JADE1: variants seen among roughly 807,000 people sequenced by gnomAD.
JADE1 encodes the protein protein Jade-1.
In JADE1, 14 loss-of-function variants were observed where a neutral mutation model predicts 81.8. The ratio of observed to expected loss-of-function variants is 0.17; its 90% CI spans 0.11 to 0.27. The LOEUF is 0.27. Ranked by LOEUF, JADE1 falls within the 10% of genes least tolerant of loss-of-function variation. The pLI, the probability that JADE1 is intolerant of heterozygous loss-of-function variation, is 1.00. For synonymous variants in JADE1, 353 were observed against 391.9 expected, an observed-to-expected ratio of 0.90 and a Z score of 1.17; for missense variants, 690 against 1,047.9, an observed-to-expected ratio of 0.66 and a Z score of 4.71.
chr4:128,858,345 G>C (rs1036511156), intron 8 of JADE1, among the ~76,000 whole-genome samples: 4 of 152,048 alleles, frequency 2.6e-5, no homozygotes, highest in African/African-American at 9.7e-5. Context: ...GTGGCTGATG[G>C]GGGCCCTTCA....
intron 5 of JADE1, 45 bp from the exon 6 acceptor site, chr4:128,852,011 TA>T: frequency 8.6e-7 from 1 of 1,168,704 alleles, no homozygotes; most frequent in South Asian, 1.3e-5. Flanking sequence ...TAATATTTAT[TA>T]ATATGGATTT....
At chr4:128,839,684 C>T (rs1729271320) in intron 2 of JADE1, among the ~76,000 whole-genome samples, 1 of 152,008 alleles carries the variant, frequency 6.6e-6, no homozygotes, top group Non-Finnish European at 1.5e-5. Context: ...GCTTCTTTCA[C>T]TCAGGAGAAT....
intron 2 of JADE1, 82 bp downstream of exon 2, chr4:128,831,892 A>G (rs1728590921): frequency 1.6e-6 from 2 of 1,238,136 alleles, no homozygotes; most frequent in Non-Finnish European, 2.4e-6. Context: ...AATGCTTTAA[A>G]TTGCTGAGGC....
At position 128,846,316 on chromosome 4, in the gene JADE1, A is replaced by G; in HGVS notation, c.139-59A>G. The G allele has an allele frequency of 6.6e-7, 1 of 1,516,196 alleles. No homozygotes were observed. 93.9% of individuals were successfully genotyped at this position (1,516,196 alleles called of 1,614,324 possible). A position where few individuals can be genotyped will look rare whatever the true frequency, so the allele number is the denominator to read the frequency against. On this transcript the variant is annotated intron_variant, in intron 3 of 10. Transcript: ENST00000226319. The surrounding 1 kb of genome is among the most constrained non-coding windows in gnomAD (Gnocchi z 4.0). Reference sequence around the variant, plus strand: ...GCTCCATGGTTACATTGCAGCTGCCAGCACTCTGAATAAGAATGCAAATAT... The same window carrying G: ...GCTCCATGGTTACATTGCAGCTGCCGGCACTCTGAATAAGAATGCAAATAT...
rs749839832 is a variant in JADE1, at chr4:128,821,255, G to A, written c.-26-10478G>A. Among the ~76,000 whole-genome samples, 6 of 152,178 alleles carry A rather than the reference G, an allele frequency of 3.9e-5. No homozygotes were observed. In the South Asian group the frequency reaches 1.0e-3, roughly 26 times the overall value. ...ATAAATTGTCAGAAAACTGAGACGC[G>A]GAATAAGACATATAGGGCAAATGGG... On this transcript the variant is annotated intron_variant, in intron 1 of 10. Transcript: ENST00000226319.
At chr4:128,859,471 A>ATGAGTATGCATG (rs576087365) in intron 8 of JADE1, among the ~76,000 whole-genome samples, 1 of 150,992 alleles carries the variant, frequency 6.6e-6, no homozygotes, top group South Asian at 2.1e-4. Context: ...GAGTATGCAC[A>ATGAGTATGCATG]TGAGTATGCA....
intron 8 of JADE1, among the ~76,000 whole-genome samples, chr4:128,860,584 A>G (rs778747957): frequency 1.3e-5 from 2 of 152,194 alleles, no homozygotes; most frequent in Admixed American, 1.3e-4. Context: ...ACTTGGCTTC[A>G]CACAATGCAG....
chr4:128,831,754 A>G lies in JADE1; in HGVS notation c.-5A>G. 1 of 1,613,982 alleles carries G rather than the reference A, an allele frequency of 6.2e-7. No individual in the cohort carries two copies. The highest frequency in any genetic ancestry group is 8.5e-7 in the Non-Finnish European group (1 of 1,180,002). On this transcript the variant is annotated 5_prime_UTR_variant, in exon 2 of 11. Transcript: ENST00000226319. ...GCAGGCTGCCTGCTGTTTCCCGGGG[A>G]GATCATGAAACGAGGTCGCCTTCCC...
At chr4:128,869,018 G>GT (rs1352153738) in intron 10 of JADE1, among the ~76,000 whole-genome samples, 1 of 152,178 alleles carries the variant, frequency 6.6e-6, no homozygotes, top group Admixed American at 6.5e-5. Context: ...CAAAGAAGTT[G>GT]TTATAACCTG....
chr4:128,861,439 C>CGGAT (rs1305640918), intron 8 of JADE1, among the ~76,000 whole-genome samples: 2 of 152,150 alleles, frequency 1.3e-5, no homozygotes, highest in African/African-American at 2.4e-5. Flanking sequence ...CTGAGATGGG[C>CGGAT]GGATCTCTTT....
chr4:128,847,720 C>T (rs776422584), intron 4 of JADE1, among the ~76,000 whole-genome samples: 2 of 152,166 alleles, frequency 1.3e-5, no homozygotes, highest in African/African-American at 4.8e-5. Context: ...AAAGTTGGAG[C>T]CCTGAGCAAG....
At chr4:128,843,592 G>T (rs1254896626) in intron 3 of JADE1, among the ~76,000 whole-genome samples, 2 of 152,174 alleles carry the variant, frequency 1.3e-5, no homozygotes, top group Admixed American at 6.5e-5. Flanking sequence ...TTGCTTTTAG[G>T]TGCATTTCTT....
intron 1 of JADE1, among the ~76,000 whole-genome samples, chr4:128,825,908 T>C (rs1170537304): frequency 6.6e-6 from 1 of 152,206 alleles, no homozygotes; most frequent in Non-Finnish European, 1.5e-5. Flanking sequence ...CCACAGATGC[T>C]CAGTTGTCTT....
At chr4:128,832,111 C>T (rs1160415489) in intron 2 of JADE1, among the ~76,000 whole-genome samples, 5 of 152,142 alleles carry the variant, frequency 3.3e-5, no homozygotes, top group Non-Finnish European at 5.9e-5. Context: ...TATGGTACTT[C>T]GCAGTTGCGC....
At chr4:128,848,394 G>T (rs915089772) in intron 4 of JADE1, among the ~76,000 whole-genome samples, 1 of 152,146 alleles carries the variant, frequency 6.6e-6, no homozygotes, top group East Asian at 1.9e-4. Flanking sequence ...GGCCAGGCTG[G>T]TCTCAAACTC....
intron 2 of JADE1, among the ~76,000 whole-genome samples, chr4:128,833,514 C>G (rs1728718592): frequency 6.6e-6 from 1 of 152,140 alleles, no homozygotes; most frequent in African/African-American, 2.4e-5. Flanking sequence ...ACCATCCTGG[C>G]CAACATGGTG....
chr4:128,857,820 G>A (rs1730922118), intron 8 of JADE1, among the ~76,000 whole-genome samples: 2 of 152,172 alleles, frequency 1.3e-5, no homozygotes, highest in Admixed American at 1.3e-4. Flanking sequence ...GCATTTGAGA[G>A]TTGGCCACCC....
At chr4:128,821,727 G>T (rs1727590399) in intron 1 of JADE1, among the ~76,000 whole-genome samples, 1 of 152,102 alleles carries the variant, frequency 6.6e-6, no homozygotes, top group African/African-American at 2.4e-5. Context: ...CGCCATGTTG[G>T]CCAGGCTGGT....
chr4:128,826,758 T>C (rs1728114923), intron 1 of JADE1, among the ~76,000 whole-genome samples: 1 of 152,200 alleles, frequency 6.6e-6, no homozygotes, highest in Non-Finnish European at 1.5e-5. Flanking sequence ...GAAATTACTG[T>C]AATCTTTAGA....
Sources: gnomAD v4.1 joint callset for allele counts (sites outside exome capture counted in the v4.1 genomes callset) on GRCh38, gnomAD v4.1.1 for gene constraint, Gnocchi (gnomAD v3.1) non-coding constraint, MANE v1.5 for transcripts, NCBI Gene and HGNC (gene_info 2026-07-23, HGNC 2026-07-21) for gene names.